LRMDA: variants seen among roughly 807,000 people sequenced by gnomAD.
LRMDA encodes leucine rich melanocyte differentiation associated.
LRMDA carries 18 observed loss-of-function variants against 29.8 expected under a neutral mutation model. The observed-to-expected ratio is 0.60, with a 90% CI of 0.42 to 0.90. The LOEUF (loss-of-function observed/expected upper bound fraction) is 0.90, where lower values mean the gene tolerates loss of function less well. Among genes scored for constraint, LRMDA ranks in the 40% least tolerant of loss-of-function variants. The pLI, the probability that LRMDA is intolerant of heterozygous loss-of-function variation, is 0.00. For missense variants in LRMDA, 273 were observed against 273.9 expected, an observed-to-expected ratio of 1.00 and a Z score of 0.02; for synonymous variants, 125 against 109.4, an observed-to-expected ratio of 1.14 and a Z score of -0.89.
chr10:76,355,970 C>T (rs537012775), intron 6 of LRMDA, among the ~76,000 whole-genome samples: 1 of 152,116 alleles, frequency 6.6e-6, no homozygotes, highest in East Asian at 1.9e-4. Flanking sequence ...AGAAGGGCCT[C>T]CCATCATTAG....
chr10:75,794,224 A>G (rs918172391), intron 2 of LRMDA, among the ~76,000 whole-genome samples: 3 of 152,250 alleles, frequency 2.0e-5, no homozygotes, highest in African/African-American at 7.2e-5. Flanking sequence ...GTGTTATTCA[A>G]TGATGTTTAT....
chr10:75,724,354 T>C (rs747578202), intron 2 of LRMDA, among the ~76,000 whole-genome samples: 5 of 152,210 alleles, frequency 3.3e-5, no homozygotes, highest in African/African-American at 4.8e-5. Context: ...ATTAACAAAT[T>C]TGTATAGAGA....
intron 5 of LRMDA, among the ~76,000 whole-genome samples, chr10:76,190,131 G>T (rs992090894): frequency 1.3e-5 from 2 of 152,056 alleles, no homozygotes; most frequent in Non-Finnish European, 2.9e-5. Context: ...AATTCAAACT[G>T]GTCATTTTTG....
chr10:75,803,867 T>C (rs1843799155), intron 2 of LRMDA, among the ~76,000 whole-genome samples: 1 of 152,182 alleles, frequency 6.6e-6, no homozygotes, highest in East Asian at 1.9e-4. Flanking sequence ...GTGGGACACA[T>C]CTCTTTCCCC....
chr10:75,663,403 G>C (rs544982630), intron 2 of LRMDA, among the ~76,000 whole-genome samples: 2 of 152,292 alleles, frequency 1.3e-5, no homozygotes, highest in East Asian at 3.9e-4. Flanking sequence ...TCTGAGGTGG[G>C]AGCCTGGGAA....
At chr10:75,577,492 C>G (rs996316451) in intron 2 of LRMDA, among the ~76,000 whole-genome samples, 1 of 152,156 alleles carries the variant, frequency 6.6e-6, no homozygotes, top group Non-Finnish European at 1.5e-5. Context: ...GAGAACTTCT[C>G]CAACCTAGTA....
intron 2 of LRMDA, among the ~76,000 whole-genome samples, chr10:75,458,998 A>AG (rs1324603408): frequency 4.1e-5 from 2 of 48,768 alleles, no homozygotes; most frequent in Non-Finnish European, 8.3e-5. Context: ...GGTCTGCTTT[A>AG]GATTTTTTTT....
intron 6 of LRMDA, chr10:76,402,119 G>C (rs1428204953): frequency 6.6e-6 from 1 of 152,278 alleles, no homozygotes; most frequent in Non-Finnish European, 1.5e-5. Context: ...CCGTTGCTGA[G>C]AAGGTGGCAT....
At chr10:76,492,213 C>T (rs771673899) in intron 6 of LRMDA, among the ~76,000 whole-genome samples, 1 of 151,988 alleles carries the variant, frequency 6.6e-6, no homozygotes, top group African/African-American at 2.4e-5. Context: ...TTTAAGTTCA[C>T]TTTGTGAGGT....
intron 2 of LRMDA, among the ~76,000 whole-genome samples, chr10:75,580,065 T>C (rs977676671): frequency 2.6e-5 from 4 of 152,220 alleles, no homozygotes; most frequent in Admixed American, 2.6e-4. Context: ...TTGGAAGTTC[T>C]GGCCAGGGTA....
intron 6 of LRMDA, among the ~76,000 whole-genome samples, chr10:76,553,962 C>G (rs911091606): frequency 6.6e-6 from 1 of 152,126 alleles, no homozygotes; most frequent in Non-Finnish European, 1.5e-5. Context: ...AAGGTGACAG[C>G]TCCTCACACA....
intron 5 of LRMDA, among the ~76,000 whole-genome samples, chr10:76,097,037 G>A (rs1179475165): frequency 6.6e-6 from 1 of 151,510 alleles, no homozygotes; most frequent in Non-Finnish European, 1.5e-5. Context: ...TTGAGACAGA[G>A]TCTTGCTCTG....
chr10:76,207,135 G>C (rs995151934), intron 5 of LRMDA, among the ~76,000 whole-genome samples: 1 of 151,890 alleles, frequency 6.6e-6, no homozygotes, highest in Non-Finnish European at 1.5e-5. Flanking sequence ...TGCCACAACA[G>C]GGGTAATGAA....
chr10:76,469,221 T>A (rs1842594309), intron 6 of LRMDA, among the ~76,000 whole-genome samples: 1 of 152,152 alleles, frequency 6.6e-6, no homozygotes, highest in African/African-American at 2.4e-5. Flanking sequence ...GGGGCTCCCT[T>A]GCCCCTCATC....
chr10:76,243,059 G>A (rs931475129), intron 5 of LRMDA, among the ~76,000 whole-genome samples: 3 of 152,106 alleles, frequency 2.0e-5, no homozygotes, highest in African/African-American at 7.2e-5. Flanking sequence ...AACAGCAGAA[G>A]CAGTACAGCC....
chr10:76,124,950 A>T (rs1849854423), intron 5 of LRMDA, among the ~76,000 whole-genome samples: 1 of 152,236 alleles, frequency 6.6e-6, no homozygotes, highest in Non-Finnish European at 1.5e-5. Flanking sequence ...CCATACTGTC[A>T]GTAGAGAAAT....
chr10:76,144,054 TCTGTTTTGGTACCAGTACCATG>T (rs1298793177), intron 5 of LRMDA, among the ~76,000 whole-genome samples: 2 of 152,196 alleles, frequency 1.3e-5, no homozygotes, highest in Non-Finnish European at 2.9e-5. Flanking sequence ...GGTCTATATC[TCTGTTTTGGTACCAGTACCATG>T]CTGTTTTGGT....
chr10:75,802,709 T>C (rs1589211472), intron 2 of LRMDA, among the ~76,000 whole-genome samples: 3 of 152,166 alleles, frequency 2.0e-5, no homozygotes, highest in South Asian at 4.2e-4. Flanking sequence ...ACATAATAAG[T>C]GCGTAGAAAG....
intron 2 of LRMDA, among the ~76,000 whole-genome samples, chr10:75,860,052 A>G (rs986442290): frequency 6.6e-6 from 1 of 152,182 alleles, no homozygotes; most frequent in African/African-American, 2.4e-5. Context: ...ATTTCTAATT[A>G]TACAGAAAAC....
Sources: allele counts gnomAD v4.1 joint callset (sites outside exome capture counted in the v4.1 genomes callset), GRCh38; gene constraint gnomAD v4.1.1; transcripts MANE v1.5; gene names NCBI Gene and HGNC (gene_info 2026-07-23, HGNC 2026-07-21).